The following TRIM34 variants were observed in gnomAD, a reference collection of about 807,000 sequenced individuals.
The protein encoded by TRIM34 is tripartite motif containing 34.
A neutral mutation model predicts 38.1 loss-of-function variants in TRIM34; 41 were observed. That is an observed-to-expected ratio of 1.08 (90% CI 0.84 to 1.40). The LOEUF (loss-of-function observed/expected upper bound fraction) is 1.40, where lower values mean the gene tolerates loss of function less well. Ranked by LOEUF, TRIM34 falls within the 40% of genes most tolerant of loss-of-function variation. The probability of loss-of-function intolerance (pLI) is 0.00; values close to 1 mark genes in which losing one functional copy is unlikely to be tolerated. For missense variants in TRIM34, 556 were observed against 571.4 expected (o/e 0.97, Z 0.27); for synonymous variants, 200 against 202.5 (o/e 0.99, Z 0.10).
chr11:5,640,287 C>T (rs1367818863), intron 4 of TRIM34, among the ~76,000 whole-genome samples: 1 of 152,048 alleles, frequency 6.6e-6, no homozygotes, highest in Non-Finnish European at 1.5e-5. Context: ...GCTGAGGGAC[C>T]TCTCTTCTAT....
At chr11:5,627,935 T>C (rs980547450) in intron 1 of TRIM34, among the ~76,000 whole-genome samples, 1 of 152,204 alleles carries the variant, frequency 6.6e-6, no homozygotes, top group Non-Finnish European at 1.5e-5. Flanking sequence ...ATCCAGATGT[T>C]AGGAGTCCAG....
At position 5,643,638 on chromosome 11, in the gene TRIM34, C is replaced by A; in HGVS notation, c.1396C>A (p.Gln466Lys). The part of the protein sequence containing the change: ...IYKFSKCCFS[Q>K]PVYPYFNPWN... ...CAAGTTCTCTAAATGTTGCTTTTCT[C>A]AGCCTGTTTATCCATATTTCAATCC... The change falls in exon 8 of 8, where the codon CAG becomes AAG. Residue 466 changes from glutamine (Q) to lysine (K), a missense_variant. By Grantham distance (53) the Gln-to-Lys change is moderately conservative. Coordinates refer to ENST00000429814, the MANE Select transcript of TRIM34 (RefSeq NM_021616.6). 1 of 1,614,092 alleles carries A rather than the reference C, an allele frequency of 6.2e-7. No homozygotes were observed. The highest frequency in any genetic ancestry group is 8.5e-7 in the Non-Finnish European group (1 of 1,179,972).
rs763453391 is a variant in TRIM34 at position 5,634,741 on chromosome 11, G to A, written c.630G>A (p.Lys210=). 6.2e-7 allele frequency: 1 copy of A among 1,614,090 alleles called. No homozygotes were observed. The highest frequency in any genetic ancestry group is 1.7e-5 in the Admixed American group (1 of 60,010). ...TGCAAAGATTGGAAGAAGAAGAAAAGAAGACGCTGGATAAGTTTGCAGAGG... is the reference window on the plus strand; with the variant it reads ...TGCAAAGATTGGAAGAAGAAGAAAAAAAGACGCTGGATAAGTTTGCAGAGG... The part of the protein sequence containing the change: ...RELQRLEEEE[K]KTLDKFAEAE... Residue 210 remains lysine, a synonymous_variant, in exon 4 of 8, where the codon AAG becomes AAA. Coordinates refer to ENST00000429814, the MANE Select transcript of TRIM34 (RefSeq NM_021616.6).
chr11:5,636,757 C>T (rs866513819), intron 4 of TRIM34, among the ~76,000 whole-genome samples: 8 of 152,268 alleles, frequency 5.3e-5, no homozygotes, highest in Non-Finnish European at 1.2e-4. Flanking sequence ...CATTTCACTT[C>T]TAGATGTTAG....
At chr11:5,633,265 T>G (rs1849570771) in intron 2 of TRIM34, among the ~76,000 whole-genome samples, 1 of 151,620 alleles carries the variant, frequency 6.6e-6, no homozygotes, top group Non-Finnish European at 1.5e-5. Flanking sequence ...GGAACCATAA[T>G]TCTGAGTCCC....
In TRIM34 at chr11:5,634,733, G is replaced by A. The variant is rs765584569; in HGVS notation, c.622G>A (p.Glu208Lys). ...EQRELQRLEE[E>K]EKKTLDKFAE... ...GAGAGAGCTGCAAAGATTGGAAGAA[G>A]AAGAAAAGAAGACGCTGGATAAGTT... Residue 208 changes from glutamate to lysine, a missense_variant, in exon 4 of 8, where the codon GAA (glutamate) becomes AAA (lysine). By Grantham distance (56) the Glu-to-Lys change is moderately conservative. Transcript: ENST00000429814. 7 of 1,614,098 alleles carry A rather than the reference G, an allele frequency of 4.3e-6. No homozygotes were observed. The highest frequency in any genetic ancestry group is 5.1e-6 in the Non-Finnish European group (6 of 1,179,996).
At chr11:5,639,435 C>G (rs1289936754) in intron 4 of TRIM34, among the ~76,000 whole-genome samples, 1 of 151,980 alleles carries the variant, frequency 6.6e-6, no homozygotes, top group Non-Finnish European at 1.5e-5. Flanking sequence ...AATCCCAGCA[C>G]TTTGGGAGAC....
At chr11:5,638,284 T>C (rs1469321353) in intron 4 of TRIM34, among the ~76,000 whole-genome samples, 2 of 152,190 alleles carry the variant, frequency 1.3e-5, no homozygotes, top group African/African-American at 4.8e-5. Flanking sequence ...ACAGTCAAAA[T>C]ATAGGGAAGA....
intron 4 of TRIM34, among the ~76,000 whole-genome samples, chr11:5,636,278 T>G (rs1849731133): frequency 6.6e-6 from 1 of 152,226 alleles, no homozygotes; most frequent in Non-Finnish European, 1.5e-5. Flanking sequence ...ACACAAGTTC[T>G]TTTTTGTATG....
chr11:5,629,208 C>T (rs1013586136), intron 1 of TRIM34, among the ~76,000 whole-genome samples: 1 of 151,592 alleles, frequency 6.6e-6, no homozygotes, highest in Non-Finnish European at 1.5e-5. Context: ...ACCTGGGAGG[C>T]GGGGGTTGCA....
intron 4 of TRIM34, among the ~76,000 whole-genome samples, chr11:5,638,040 T>A (rs985998280): frequency 1.3e-5 from 2 of 152,184 alleles, no homozygotes; most frequent in Non-Finnish European, 2.9e-5. Context: ...ATCAGCACTA[T>A]CAAGAATGAA....
chr11:5,626,308 C>T (rs1590154078), intron 1 of TRIM34, among the ~76,000 whole-genome samples: 1 of 152,180 alleles, frequency 6.6e-6, no homozygotes, highest in Non-Finnish European at 1.5e-5. Context: ...GATCATAGAC[C>T]ATATCGATGA....
chr11:5,640,047 C>T (rs1849939009), intron 4 of TRIM34, among the ~76,000 whole-genome samples: 1 of 152,212 alleles, frequency 6.6e-6, no homozygotes, highest in Admixed American at 6.5e-5. Context: ...TATAGTCACA[C>T]TGTTGTGGTA....
intron 1 of TRIM34, among the ~76,000 whole-genome samples, chr11:5,626,145 G>A (rs1202364003): frequency 5.3e-5 from 8 of 152,212 alleles, no homozygotes; most frequent in Admixed American, 5.2e-4. Context: ...CATACTGACT[G>A]TCTCCCAGAG....
Position 5,643,715 on chromosome 11 carries a change from C to T in TRIM34, c.*6C>T, listed in dbSNP as rs748262876. The T allele has an allele frequency of 2.0e-5, 31 of 1,568,194 alleles. No individual in the cohort carries two copies. Among genetic ancestry groups the T allele is most frequent in the Non-Finnish European group, 2.5e-5 (29 of 1,162,468 alleles). On this transcript the variant is annotated 3_prime_UTR_variant, in exon 8 of 8. Coordinates refer to ENST00000429814, the MANE Select transcript of TRIM34 (RefSeq NM_021616.6). ...TATGCCCACCAAGCTCTTGAATTTT[C>T]TCATTTCTTCACCTACAACCCTTTG...
At position 5,634,728 on chromosome 11, in the gene TRIM34, A is replaced by C; in HGVS notation, c.617A>C (p.Glu206Ala). The C allele has an allele frequency of 6.2e-7, 1 of 1,614,000 alleles. No homozygotes were observed. The change falls in exon 4 of 8, where the codon GAA becomes GCA. Residue 206 changes from glutamate to alanine, a missense_variant. Physicochemically the swap from Glu to Ala is moderately radical, Grantham distance 107. Coordinates refer to ENST00000429814, the MANE Select transcript of TRIM34 (RefSeq NM_021616.6). Reference protein sequence around the residue: ...NEEQRELQRLEEEEKKTLDKF... With the variant: ...NEEQRELQRLAEEEKKTLDKF... ...GAGCAGAGAGAGCTGCAAAGATTGG[A>C]AGAAGAAGAAAAGAAGACGCTGGAT...
intron 4 of TRIM34, among the ~76,000 whole-genome samples, chr11:5,638,617 T>C (rs1420067920): frequency 1.3e-5 from 2 of 152,208 alleles, no homozygotes; most frequent in Non-Finnish European, 2.9e-5. Context: ...ATAAAATGTT[T>C]TAGTGTCTGG....
chr11:5,624,109 C>T (rs1421379593), upstream of TRIM34, among the ~76,000 whole-genome samples: 1 of 152,176 alleles, frequency 6.6e-6, no homozygotes, highest in Non-Finnish European at 1.5e-5. Context: ...GGTTTGATTT[C>T]AAGGTTACCT....
intron 1 of TRIM34, among the ~76,000 whole-genome samples, chr11:5,627,586 A>T (rs1849301460): frequency 1.3e-5 from 2 of 152,224 alleles, no homozygotes; most frequent in African/African-American, 4.8e-5. Context: ...GTTAAAAAAT[A>T]GCTTTTTGGA....
Sources: gnomAD v4.1 joint callset for allele counts (sites outside exome capture counted in the v4.1 genomes callset) on GRCh38, gnomAD v4.1.1 for gene constraint, MANE v1.5 for transcripts, NCBI Gene and HGNC (gene_info 2026-07-23, HGNC 2026-07-21) for gene names.